Variants in REEP5 observed in about 807,000 individuals in gnomAD.
REEP5 encodes the protein receptor accessory protein 5, also known as receptor expression-enhancing protein 5.
Under a neutral mutation model 22.4 loss-of-function variants are expected in REEP5, and 24 were observed. The observed-to-expected ratio is 1.07, with a 90% CI of 0.78 to 1.51. The LOEUF is 1.51. REEP5 is among the 40% of genes most tolerant of loss of function. The pLI, the probability that REEP5 is intolerant of heterozygous loss-of-function variation, is 0.00. For synonymous variants in REEP5, 103 were observed against 88.6 expected (o/e 1.16, Z -0.92); for missense variants, 252 against 233.0 (o/e 1.08, Z -0.53).
intron 2 of REEP5, among the ~76,000 whole-genome samples, chr5:112,904,777 A>C (rs982434621): frequency 6.6e-6 from 1 of 152,348 alleles, no homozygotes; most frequent in African/African-American, 2.4e-5. Context: ...ATGTTAGTCA[A>C]GTTCCACAGA....
intron 2 of REEP5, among the ~76,000 whole-genome samples, chr5:112,910,836 A>G (rs1769087958): frequency 6.6e-6 from 1 of 152,150 alleles, no homozygotes; most frequent in Admixed American, 6.6e-5. Context: ...TCACCCACAG[A>G]GCCCTGATTT....
At chr5:112,903,045 A>G (rs1031375198) in intron 2 of REEP5, among the ~76,000 whole-genome samples, 1 of 152,222 alleles carries the variant, frequency 6.6e-6, no homozygotes, top group African/African-American at 2.4e-5. Flanking sequence ...CATGGTGTCT[A>G]TTTAGTTCAG....
At chr5:112,881,297 T>C (rs897591694) in intron 4 of REEP5, among the ~76,000 whole-genome samples, 1 of 152,142 alleles carries the variant, frequency 6.6e-6, no homozygotes. Context: ...ATACCACTTC[T>C]GGGGCATCAG....
intron 4 of REEP5, 53 bp downstream of exon 4, chr5:112,886,962 C>G (rs549888757): frequency 7.4e-7 from 1 of 1,347,500 alleles, no homozygotes; most frequent in African/African-American, 1.4e-5. Context: ...TATTTGAGCC[C>G]AGTGTGTCAC....
intron 4 of REEP5, chr5:112,885,366 A>G (rs1162574326): frequency 5.6e-6 from 1 of 177,212 alleles, no homozygotes; most frequent in Non-Finnish European, 1.2e-5. Context: ...ATCAGTTTTT[A>G]CAAGAGAAAA....
Position 112,908,094 on chromosome 5 carries a change from G to GTT in REEP5, c.213-5578_213-5577dup, listed in dbSNP as rs1168506605. ...AGAATGAGCATCAGAGACTTTCTTT[G>GTT]TTTTTTGTTTTTTTTTTTTTTTTTT... On this transcript the variant is annotated intron_variant, in intron 2 of 4. Transcript: ENST00000379638. 8.3e-4 allele frequency among the ~76,000 whole-genome samples: 60 copies of GTT among 72,608 alleles called. 1 individual carries two copies. The highest frequency in any genetic ancestry group is 3.2e-3 in the African/African-American group (52 of 16,300). The allele number at this position is 72,608 out of a possible 152,430, so 47.6% of individuals were successfully genotyped here.
intron 2 of REEP5, among the ~76,000 whole-genome samples, chr5:112,908,998 C>T (rs1424418774): frequency 1.3e-5 from 2 of 151,818 alleles, no homozygotes; most frequent in Non-Finnish European, 2.9e-5. Context: ...CACAGCCCAT[C>T]ACATGAAATT....
At chr5:112,903,914 T>C (rs1040807549) in intron 2 of REEP5, among the ~76,000 whole-genome samples, 2 of 152,208 alleles carry the variant, frequency 1.3e-5, no homozygotes, top group Non-Finnish European at 1.5e-5. Flanking sequence ...CACTGCAACC[T>C]CAAACTTCTG....
intron 3 of REEP5, chr5:112,893,467 T>C (rs2150040678): frequency 6.1e-6 from 1 of 164,354 alleles, no homozygotes; most frequent in Non-Finnish European, 1.3e-5. Flanking sequence ...TATCAGACCA[T>C]TCAATCCAAT....
intron 2 of REEP5, 38 bp from the exon 3 acceptor site, chr5:112,902,556 A>G (rs773618849): frequency 9.8e-6 from 15 of 1,523,164 alleles, no homozygotes; most frequent in Middle Eastern, 1.8e-4. Context: ...TCATTTGGTA[A>G]GATATCAATG....
chr5:112,888,667 G>T lies in REEP5; in HGVS notation c.352-1484C>A, dbSNP rs978454917. ...CCCCTTATCTCAACTACAGTAAAAA[G>T]TAACTCTTGAAATGTAACCTTTGTG... is the stretch of plus-strand genomic sequence containing the variant. On this transcript the variant is annotated intron_variant, in intron 3 of 4. Transcript: ENST00000379638. Among the ~76,000 whole-genome samples the T allele has an allele frequency of 8.7e-5, 13 of 149,206 alleles. 1 individual carries two copies. Among genetic ancestry groups the T allele is most frequent in the Admixed American group, 8.7e-4 (13 of 14,988 alleles).
intron 3 of REEP5, among the ~76,000 whole-genome samples, chr5:112,891,177 G>A (rs818424): frequency 0.45 from 65,043 of 146,096 alleles, 16,697 homozygotes; most frequent in African/African-American, 0.71. Flanking sequence ...GGTTCAAGCA[G>A]TTCTCCTGCC....
At chr5:112,902,266 C>T (rs1768868877) in intron 3 of REEP5, 114 bp downstream of exon 3, 7 of 1,131,506 alleles carry the variant, frequency 6.2e-6, no homozygotes, top group African/African-American at 1.6e-5. Context: ...CCAGGCCTGT[C>T]TTCTTGTTTA....
At chr5:112,880,954 C>T (rs1040755692) in intron 4 of REEP5, among the ~76,000 whole-genome samples, 6 of 152,056 alleles carry the variant, frequency 3.9e-5, no homozygotes, top group Admixed American at 1.3e-4. Flanking sequence ...CATGGCATAA[C>T]GGTGTCTCTA....
At chr5:112,891,962 AAG>A (rs1561650661) in intron 3 of REEP5, 3 of 1,242,096 alleles carry the variant, frequency 2.4e-6, no homozygotes, top group African/African-American at 1.5e-5. Context: ...CTAGAAGAAC[AAG>A]AGAGAAAGTT....
At chr5:112,895,237 C>CAAAAAAAAAAAAAAAAAAAAAAA (rs10684553) in intron 3 of REEP5, 2 of 62,216 alleles carry the variant, frequency 3.2e-5, no homozygotes, top group Admixed American at 2.5e-4. Context: ...GACTCTGTCT[C>CAAAAAAAAAAAAAAAAAAAAAAA]AAAAAAAAAA....
chr5:112,881,312 G>A (rs537595041), intron 4 of REEP5, among the ~76,000 whole-genome samples: 1 of 152,072 alleles, frequency 6.6e-6, no homozygotes, highest in East Asian at 1.9e-4. Flanking sequence ...CATCAGTGCT[G>A]CTGGAGAACT....
intron 2 of REEP5, among the ~76,000 whole-genome samples, chr5:112,913,321 AGAC>A: frequency 7.1e-6 from 1 of 140,624 alleles, no homozygotes; most frequent in African/African-American, 3.3e-5. Flanking sequence ...AAAGAAAGAC[AGAC>A]AGACAGAAAG....
chr5:112,882,455 T>G (rs1183157108), intron 4 of REEP5, among the ~76,000 whole-genome samples: 1 of 152,228 alleles, frequency 6.6e-6, no homozygotes, highest in Admixed American at 6.5e-5. Flanking sequence ...TTCATAGTTC[T>G]TGCTGGAAAT....
Sources: allele counts gnomAD v4.1 joint callset (sites outside exome capture counted in the v4.1 genomes callset), GRCh38; gene constraint gnomAD v4.1.1; transcripts MANE v1.5; gene names NCBI Gene and HGNC (gene_info 2026-07-23, HGNC 2026-07-21).